KIAA1217: variants seen among roughly 807,000 people sequenced by gnomAD.
KIAA1217 encodes sickle tail protein homolog.
In KIAA1217, 88 loss-of-function variants were observed where a neutral mutation model predicts 163.9. That is an observed-to-expected ratio of 0.54 (90% CI 0.45 to 0.64). The LOEUF is 0.64. Among genes scored for constraint, KIAA1217 ranks in the 30% least tolerant of loss-of-function variants. The pLI is 0.00. For missense variants in KIAA1217, 2,372 were observed against 2,475.0 expected (o/e 0.96, Z 0.88); for synonymous variants, 903 against 923.1 (o/e 0.98, Z 0.39).
chr10:24,110,253 A>G lies in KIAA1217; in HGVS notation c.-171+102879A>G, dbSNP rs12218633. Among the ~76,000 whole-genome samples the G allele has an allele frequency of 4.0e-4, 61 of 152,322 alleles. No individual in the cohort carries two copies. In the East Asian group the frequency reaches 0.011, roughly 28 times the overall value. The stretch of plus-strand genomic sequence containing the variant: ...GTATCAATTATAGCAAAGTATCAGC[A>G]CAGATCTTCAGAGTTCTCTCTTATC... On this transcript the variant is annotated intron_variant, in intron 2 of 18. Coordinates refer to the KIAA1217 transcript ENST00000376462.
At chr10:24,203,461 T>C (rs974650446) in intron 2 of KIAA1217, among the ~76,000 whole-genome samples, 1 of 152,056 alleles carries the variant, frequency 6.6e-6, no homozygotes, top group African/African-American at 2.4e-5. Context: ...AGCAGCAAAG[T>C]TGGGGGATGT....
chr10:24,539,640 T>C (rs1005039716), intron 17 of KIAA1217, among the ~76,000 whole-genome samples: 42 of 152,194 alleles, frequency 2.8e-4, no homozygotes, highest in Admixed American at 5.2e-4. Context: ...CAGGTCTTTA[T>C]TGAGTGCCCA....
At chr10:24,341,032 C>A (rs2047028628) in intron 2 of KIAA1217, among the ~76,000 whole-genome samples, 1 of 151,154 alleles carries the variant, frequency 6.6e-6, no homozygotes, top group African/African-American at 2.5e-5. Flanking sequence ...GATTGCTTTG[C>A]TTTCCTTCCC....
intron 1 of KIAA1217, among the ~76,000 whole-genome samples, chr10:23,805,877 G>C (rs1161838183): frequency 6.6e-6 from 1 of 151,184 alleles, no homozygotes; most frequent in South Asian, 2.1e-4. Flanking sequence ...TTAGCTGGGC[G>C]TGGTGGTGCA....
At chr10:24,489,862 A>AAAAG (rs2065893470) in intron 6 of KIAA1217, among the ~76,000 whole-genome samples, 4 of 58,398 alleles carry the variant, frequency 6.8e-5, no homozygotes, top group African/African-American at 3.7e-4. Flanking sequence ...GAACCTGTCA[A>AAAAG]AAAAAAAAAA....
chr10:24,322,042 A>G (rs777428280), intron 2 of KIAA1217, among the ~76,000 whole-genome samples: 1 of 152,054 alleles, frequency 6.6e-6, no homozygotes, highest in Non-Finnish European at 1.5e-5. Context: ...TCCACCTCCC[A>G]GGTTCACGCG....
At chr10:23,824,658 A>AAAAAAAAAAAAT (rs1837805755) in intron 1 of KIAA1217, among the ~76,000 whole-genome samples, 2 of 53,054 alleles carry the variant, frequency 3.8e-5, no homozygotes, top group East Asian at 5.3e-4. Flanking sequence ...AAATAAAAAA[A>AAAAAAAAAAAAT]ATATATATAT....
intron 2 of KIAA1217, among the ~76,000 whole-genome samples, chr10:24,237,039 C>T (rs1186108156): frequency 6.6e-6 from 1 of 152,146 alleles, no homozygotes; most frequent in Non-Finnish European, 1.5e-5. Context: ...TCATAGGTAC[C>T]CATGATGTTG....
At chr10:24,417,960 T>G (rs774261344) in intron 3 of KIAA1217, among the ~76,000 whole-genome samples, 1 of 151,882 alleles carries the variant, frequency 6.6e-6, no homozygotes, top group Non-Finnish European at 1.5e-5. Context: ...TTCTTTTTTC[T>G]TTTCTGAGAC....
chr10:23,903,301 T>C (rs1564520439), intron 1 of KIAA1217, among the ~76,000 whole-genome samples: 1 of 152,116 alleles, frequency 6.6e-6, no homozygotes, highest in African/African-American at 2.4e-5. Context: ...TTCTAAAAAG[T>C]CTTTTGTAAG....
intron 2 of KIAA1217, among the ~76,000 whole-genome samples, chr10:24,057,357 T>A (rs1375673571): frequency 6.6e-6 from 1 of 152,250 alleles, no homozygotes; most frequent in Non-Finnish European, 1.5e-5. Context: ...ACACAACATG[T>A]ACAGCAGATC....
intron 3 of KIAA1217, among the ~76,000 whole-genome samples, chr10:24,392,598 T>TG (rs2055130901): frequency 6.6e-6 from 1 of 152,226 alleles, no homozygotes; most frequent in Non-Finnish European, 1.5e-5. Flanking sequence ...AGATCATTGT[T>TG]GAAGACTTGA....
intron 1 of KIAA1217, among the ~76,000 whole-genome samples, chr10:23,857,117 G>T (rs1489730327): frequency 2.6e-5 from 4 of 152,366 alleles, no homozygotes; most frequent in South Asian, 2.1e-4. Flanking sequence ...CAGGCTGGGA[G>T]CTGTAGACTG....
Position 24,521,895 on chromosome 10 carries a change from C to T in KIAA1217, c.2422C>T (p.Arg808Cys), listed in dbSNP as rs751142962. The T allele has an allele frequency of 3.0e-5, 49 of 1,613,046 alleles. 1 individual carries two copies. The East Asian group carries it at 3.1e-4, about 10-fold the overall frequency. Residue 808 changes from arginine to cysteine, a missense_variant, in exon 12 of 21, where the codon CGC becomes TGC. Physicochemically the swap from Arg to Cys is radical, Grantham distance 180. Around this residue, in one of 3 missense-constraint regions of KIAA1217, gnomAD observed 1,431 missense variants for 1,470.3 expected, o/e 0.97. Coordinates refer to ENST00000376454, the MANE Select transcript of KIAA1217 (RefSeq NM_019590.5). ...HKLDSLLKRVRSMTDVLTMLR... is the reference protein window; with the variant it reads ...HKLDSLLKRVCSMTDVLTMLR... ...GCTGGACAGTCTCCTGAAGCGTGTG[C>T]GCAGCATGACAGACGTCCTGACCAT... is the stretch of plus-strand genomic sequence containing the variant.
chr10:24,520,196 G>T lies in KIAA1217; in HGVS notation c.2251G>T (p.Val751Leu). 1 of 1,614,144 alleles carries T rather than the reference G, an allele frequency of 6.2e-7. No individual in the cohort carries two copies. The highest frequency in any genetic ancestry group is 2.2e-5 in the East Asian group (1 of 44,864). ...AASRLVTLKD[V>L]EDGAFLLRQV... is the part of the protein sequence containing the mutation. The stretch of plus-strand genomic sequence containing the variant: ...CAGCCGATTGGTTACTCTGAAAGAC[G>T]TGGAAGACGGGGCTTTCCTCCTGCG... Residue 751 changes from valine to leucine, a missense_variant, in exon 11 of 21, where the codon GTG becomes TTG. This residue lies in a region of KIAA1217 where 1,431 missense variants were observed against 1,470.3 expected (regional missense o/e 0.97). Transcript: ENST00000376454.
chr10:23,715,146 A>G (rs1389732231), intron 1 of KIAA1217, among the ~76,000 whole-genome samples: 2 of 152,176 alleles, frequency 1.3e-5, no homozygotes, highest in Admixed American at 6.6e-5. Flanking sequence ...AAAATGGCGG[A>G]TTAGCATTCA....
intron 5 of KIAA1217, among the ~76,000 whole-genome samples, chr10:24,470,872 C>A (rs2063440565): frequency 6.6e-6 from 1 of 152,170 alleles, no homozygotes; most frequent in Admixed American, 6.5e-5. Context: ...CCGCTGGATC[C>A]TTCCAGGAGC....
At chr10:24,504,270 G>T (rs987418077) in intron 9 of KIAA1217, among the ~76,000 whole-genome samples, 3 of 152,132 alleles carry the variant, frequency 2.0e-5, no homozygotes, top group Non-Finnish European at 2.9e-5. Flanking sequence ...TGGCTTTCTG[G>T]GAATAAAGAA....
At chr10:24,509,782 G>A (rs1359729038) in intron 9 of KIAA1217, among the ~76,000 whole-genome samples, 1 of 152,098 alleles carries the variant, frequency 6.6e-6, no homozygotes, top group Non-Finnish European at 1.5e-5. Context: ...CATGCCTGCT[G>A]TGTCAAATAT....
Sources: allele counts gnomAD v4.1 joint callset (sites outside exome capture counted in the v4.1 genomes callset), GRCh38; gene constraint gnomAD v4.1.1; regional missense constraint gnomAD v4.1.1; transcripts MANE v1.5; gene names NCBI Gene and HGNC (gene_info 2026-07-23, HGNC 2026-07-21).